Variants in C8orf34 observed in about 807,000 individuals in gnomAD.
C8orf34 encodes chromosome 8 open reading frame 34.
In C8orf34, 65 loss-of-function variants were observed where a neutral mutation model predicts 68.3. That is an observed-to-expected ratio of 0.95 (90% CI 0.78 to 1.17). The LOEUF (loss-of-function observed/expected upper bound fraction) is 1.17, where lower values mean the gene tolerates loss of function less well. Among genes scored for constraint, C8orf34 ranks in the 50% most tolerant of loss-of-function variants. C8orf34 has a pLI of 0.00. For synonymous variants in C8orf34, 244 were observed against 241.2 expected (o/e 1.01, Z -0.11); for missense variants, 664 against 655.4 (o/e 1.01, Z -0.14).
intron 1 of C8orf34, among the ~76,000 whole-genome samples, chr8:68,379,902 A>G (rs1488579176): frequency 6.6e-6 from 1 of 152,200 alleles, no homozygotes; most frequent in Non-Finnish European, 1.5e-5. Context: ...CCCAAGCTGG[A>G]GTGCAGTGGC....
At chr8:68,593,600 T>C (rs1817459373) in intron 7 of C8orf34, among the ~76,000 whole-genome samples, 1 of 152,084 alleles carries the variant, frequency 6.6e-6, no homozygotes, top group Non-Finnish European at 1.5e-5. Context: ...GTATATTTGC[T>C]AATAAATCCT....
At chr8:68,729,469 A>G (rs1821921254) in intron 10 of C8orf34, among the ~76,000 whole-genome samples, 1 of 152,168 alleles carries the variant, frequency 6.6e-6, no homozygotes. Context: ...TCCTCCAGAA[A>G]CATACATACT....
intron 1 of C8orf34, among the ~76,000 whole-genome samples, chr8:68,404,608 C>T (rs189441256): frequency 4.3e-4 from 66 of 152,264 alleles, no homozygotes; most frequent in Non-Finnish European, 8.4e-4. Flanking sequence ...GCCAGTTTTC[C>T]CAACACCATT....
At chr8:68,506,922 A>G (rs1050938196) in intron 5 of C8orf34, among the ~76,000 whole-genome samples, 1 of 152,052 alleles carries the variant, frequency 6.6e-6, no homozygotes, top group Non-Finnish European at 1.5e-5. Flanking sequence ...TCATTTGTCC[A>G]TTGATACGCA....
At chr8:68,688,966 C>A (rs1483123544) in intron 8 of C8orf34, among the ~76,000 whole-genome samples, 1 of 151,998 alleles carries the variant, frequency 6.6e-6, no homozygotes, top group Non-Finnish European at 1.5e-5. Flanking sequence ...AAGTTCTGCA[C>A]ATGTATCCTG....
In C8orf34 at chr8:68,587,792, C is replaced by A. The variant is rs78620945; in HGVS notation, c.1106-52584C>A. Among the ~76,000 whole-genome samples, 739 of 151,958 alleles carry A rather than the reference C, an allele frequency of 4.9e-3. 7 individuals carry two copies. Among genetic ancestry groups the A allele is most frequent in the African/African-American group, 0.017 (713 of 41,474 alleles). On this transcript the variant is annotated intron_variant, in intron 7 of 13. Coordinates refer to ENST00000518698, the MANE Select transcript of C8orf34 (RefSeq NM_052958.4). ...TAACTGAACAACATGGCTACATGGA[C>A]AAAGAACTATCAGAATAGCATGGCT... is the stretch of plus-strand genomic sequence containing the variant.
chr8:68,550,723 G>A (rs1210539153), intron 7 of C8orf34, among the ~76,000 whole-genome samples: 1 of 151,304 alleles, frequency 6.6e-6, no homozygotes, highest in African/African-American at 2.4e-5. Flanking sequence ...CAGTTTTAAA[G>A]GAGATTTGAT....
chr8:68,446,511 G>T (rs769896425), intron 3 of C8orf34, 51 bp downstream of exon 3: 4 of 1,549,568 alleles, frequency 2.6e-6, no homozygotes, highest in Non-Finnish European at 2.6e-6. Context: ...AGTTTATGTT[G>T]TTAAGAAAAT....
At chr8:68,640,290 A>G in intron 7 of C8orf34, 86 bp from the exon 8 acceptor site, 1 of 1,261,798 alleles carries the variant, frequency 7.9e-7, no homozygotes, top group African/African-American at 1.5e-5. Context: ...TTAACAAACT[A>G]ATGGCAGATA....
intron 1 of C8orf34, among the ~76,000 whole-genome samples, chr8:68,414,102 G>C (rs1049737982): frequency 6.6e-6 from 1 of 152,030 alleles, no homozygotes; most frequent in African/African-American, 2.4e-5. Flanking sequence ...TTACCTTGAG[G>C]CCTCAGATTA....
At chr8:68,369,943 C>T (rs182683416) in intron 1 of C8orf34, among the ~76,000 whole-genome samples, 33 of 152,280 alleles carry the variant, frequency 2.2e-4, no homozygotes, top group Non-Finnish European at 3.8e-4. Context: ...ACCCCTCTCA[C>T]GCAGGGAAGC....
chr8:68,532,040 T>C (rs1454215463), intron 6 of C8orf34, among the ~76,000 whole-genome samples: 1 of 151,988 alleles, frequency 6.6e-6, no homozygotes, highest in Non-Finnish European at 1.5e-5. Flanking sequence ...AATACATGGT[T>C]AGGGGACATG....
At chr8:68,451,151 T>G (rs114913122) in intron 3 of C8orf34, among the ~76,000 whole-genome samples, 141 of 152,220 alleles carry the variant, frequency 9.3e-4, no homozygotes, top group African/African-American at 3.2e-3. Flanking sequence ...GCTTTCAAAT[T>G]TTCTTCTGCA....
chr8:68,533,168 A>C lies in C8orf34; in HGVS notation c.1105+19A>C. ...TTGCTGGGTAATTTTAAAAATTAAT[A>C]ATTTCTCATTTTCTTCTTTGACATT... On this transcript the variant is annotated intron_variant, in intron 7 of 13. Coordinates refer to ENST00000518698, the MANE Select transcript of C8orf34 (RefSeq NM_052958.4). 1 of 1,550,360 alleles carries C rather than the reference A, an allele frequency of 6.5e-7. No homozygotes were observed. The highest frequency in any genetic ancestry group is 8.7e-7 in the Non-Finnish European group (1 of 1,153,136).
At chr8:68,681,010 A>G (rs1820353288) in intron 8 of C8orf34, among the ~76,000 whole-genome samples, 1 of 152,108 alleles carries the variant, frequency 6.6e-6, no homozygotes, top group African/African-American at 2.4e-5. Flanking sequence ...ATTTAGTGAT[A>G]TCTTCCCTAC....
intron 1 of C8orf34, among the ~76,000 whole-genome samples, chr8:68,409,853 C>T (rs1809369762): frequency 6.6e-6 from 1 of 152,132 alleles, no homozygotes; most frequent in Non-Finnish European, 1.5e-5. Flanking sequence ...CATATTTTTA[C>T]TGTACCTTTT....
chr8:68,642,494 A>G (rs1819041114), intron 8 of C8orf34, among the ~76,000 whole-genome samples: 1 of 152,204 alleles, frequency 6.6e-6, no homozygotes, highest in African/African-American at 2.4e-5. Context: ...CCACTGTTTT[A>G]TGCATACTAG....
chr8:68,650,624 C>T (rs893274352), intron 8 of C8orf34, among the ~76,000 whole-genome samples: 32 of 151,604 alleles, frequency 2.1e-4, no homozygotes, highest in Non-Finnish European at 3.7e-4. Flanking sequence ...GGACTACAGG[C>T]GCCCGCCACC....
At chr8:68,803,509 C>T (rs150971584) in intron 12 of C8orf34, among the ~76,000 whole-genome samples, 4 of 151,738 alleles carry the variant, frequency 2.6e-5, no homozygotes, top group Non-Finnish European at 5.9e-5. Flanking sequence ...AAAAAAAAAG[C>T]GTATTTCCAA....
Sources: gnomAD v4.1 joint callset for allele counts (sites outside exome capture counted in the v4.1 genomes callset) on GRCh38, gnomAD v4.1.1 for gene constraint, MANE v1.5 for transcripts, NCBI Gene and HGNC (gene_info 2026-07-23, HGNC 2026-07-21) for gene names.